The following GLIS3 variants were observed in gnomAD, a reference collection of about 807,000 sequenced individuals.
The protein encoded by GLIS3 is GLIS family zinc finger 3.
GLIS3 carries 53 observed loss-of-function variants against 78.6 expected under a neutral mutation model. The ratio of observed to expected loss-of-function variants is 0.67; its 90% confidence interval spans 0.54 to 0.85. GLIS3 has a LOEUF of 0.85. Among genes scored for constraint, GLIS3 ranks in the 40% least tolerant of loss-of-function variants. The pLI is 0.00. For synonymous variants in GLIS3, 684 were observed against 509.9 expected, an observed-to-expected ratio of 1.34 and a Z score of -4.60; for missense variants, 1,703 against 1,231.1, an observed-to-expected ratio of 1.38 and a Z score of -5.74.
chr9:4,361,719 C>G, the GLIS3 span, among the ~76,000 whole-genome samples: 2 of 152,150 alleles, frequency 1.3e-5, no homozygotes, highest in Non-Finnish European at 2.9e-5. Flanking sequence ...AGGGAAGAGT[C>G]GGCATTAAAA....
At chr9:4,130,736 C>G (rs1192429448) in intron 2 of GLIS3, among the ~76,000 whole-genome samples, 1 of 152,180 alleles carries the variant, frequency 6.6e-6, no homozygotes, top group South Asian at 2.1e-4. Context: ...AGAACCACTT[C>G]TAGGGAGGCG....
chr9:4,260,123 G>C (rs1044498440), intron 2 of GLIS3, among the ~76,000 whole-genome samples: 1 of 152,196 alleles, frequency 6.6e-6, no homozygotes, highest in Admixed American at 6.5e-5. Flanking sequence ...AGCTGACCAG[G>C]TGTCTGATTA....
At chr9:4,056,810 T>C (rs916182046) in intron 4 of GLIS3, among the ~76,000 whole-genome samples, 1 of 149,236 alleles carries the variant, frequency 6.7e-6, no homozygotes, top group Non-Finnish European at 1.5e-5. Context: ...TATTAATGGA[T>C]AGGGAAAAGA....
At chr9:3,851,045 G>A (rs1324002735) in intron 9 of GLIS3, among the ~76,000 whole-genome samples, 1 of 152,156 alleles carries the variant, frequency 6.6e-6, no homozygotes, top group Non-Finnish European at 1.5e-5. Context: ...GCACATAGTG[G>A]GTAACCAGTG....
intron 1 of GLIS3, among the ~76,000 whole-genome samples, chr9:4,298,052 G>C (rs892691169): frequency 6.6e-6 from 1 of 152,194 alleles, no homozygotes; most frequent in Admixed American, 6.5e-5. Flanking sequence ...GCGAGCGAGC[G>C]AGGGAGCGAA....
chr9:3,969,747 A>C (rs987092530), intron 4 of GLIS3, among the ~76,000 whole-genome samples: 1 of 152,200 alleles, frequency 6.6e-6, no homozygotes, highest in Non-Finnish European at 1.5e-5. Flanking sequence ...TCTGAGTTCC[A>C]TGACCAAGCT....
intron 2 of GLIS3, among the ~76,000 whole-genome samples, chr9:4,141,692 T>C (rs1833829944): frequency 6.6e-6 from 1 of 152,216 alleles, no homozygotes; most frequent in Non-Finnish European, 1.5e-5. Context: ...GAATAAGTCA[T>C]ACTACAGATT....
chr9:4,114,739 G>C (rs772975893), intron 4 of GLIS3, among the ~76,000 whole-genome samples: 9 of 152,038 alleles, frequency 5.9e-5, no homozygotes, highest in Non-Finnish European at 1.2e-4. Flanking sequence ...TTGCCACTGG[G>C]TGGGAATGTC....
At chr9:4,200,139 T>C (rs1819235061) in intron 2 of GLIS3, among the ~76,000 whole-genome samples, 1 of 152,112 alleles carries the variant, frequency 6.6e-6, no homozygotes, top group South Asian at 2.1e-4. Context: ...CCAAAATCTC[T>C]GGGATGCAGA....
intron 4 of GLIS3, chr9:4,305,286 T>C (rs565221566): frequency 6.6e-6 from 1 of 152,336 alleles, no homozygotes; most frequent in South Asian, 2.1e-4. Context: ...AGAGTGGACT[T>C]TGGAATCAGA....
At chr9:3,987,396 G>A (rs545841874) in intron 4 of GLIS3, among the ~76,000 whole-genome samples, 6 of 152,062 alleles carry the variant, frequency 3.9e-5, no homozygotes, top group East Asian at 1.9e-4. Context: ...GAGTAGAACC[G>A]AAAGAGTATA....
intron 2 of GLIS3, chr9:4,147,455 C>T (rs181361987): frequency 2.6e-5 from 4 of 152,192 alleles, no homozygotes; most frequent in Admixed American, 2.0e-4. Flanking sequence ...GCTTGTGTAC[C>T]TGTGTGGGTA....
intron 8 of GLIS3, among the ~76,000 whole-genome samples, chr9:3,879,141 A>G (rs1030297996): frequency 6.6e-6 from 1 of 152,176 alleles, no homozygotes; most frequent in Admixed American, 6.5e-5. Context: ...TCTCTGAAAC[A>G]GACCGATGAA....
rs150200772 is a variant in GLIS3 at position 3,856,474 on chromosome 9, A to T, written c.2298-290T>A. Among the ~76,000 whole-genome samples the T allele has an allele frequency of 2.0e-4, 30 of 152,320 alleles. No homozygotes were observed. In the East Asian group the frequency reaches 3.7e-3, roughly 19 times the overall value. ...TTCTAAGCTGCATTTCAAATACACT[A>T]TGTTTGGTGAAATTCAAAGTACATC... On this transcript the variant is annotated intron_variant, in intron 8 of 10. Transcript: ENST00000381971.
chr9:3,876,701 AG>A (rs1192077395), intron 8 of GLIS3, among the ~76,000 whole-genome samples: 1 of 18,842 alleles, frequency 5.3e-5, no homozygotes, highest in African/African-American at 1.6e-4. Context: ...GAGGGGAGGG[AG>A]GGGAAGGAAA....
intron 2 of GLIS3, among the ~76,000 whole-genome samples, chr9:4,224,723 T>G (rs577031646): frequency 6.8e-6 from 1 of 146,266 alleles, no homozygotes; most frequent in African/African-American, 2.6e-5. Flanking sequence ...CTTTTTCTGT[T>G]TTTTTTTTTT....
chr9:4,272,414 A>T (rs953954252), intron 2 of GLIS3, among the ~76,000 whole-genome samples: 2 of 152,028 alleles, frequency 1.3e-5, no homozygotes, highest in African/African-American at 4.8e-5. Context: ...ACAAAACAAC[A>T]TCCTATGGAA....
chr9:4,146,561 T>G (rs7021850), intron 2 of GLIS3, among the ~76,000 whole-genome samples: 1 of 152,256 alleles, frequency 6.6e-6, no homozygotes, highest in South Asian at 2.1e-4. Context: ...CCCAAGTATG[T>G]GCTCACAAAT....
At chr9:3,974,883 T>C (rs927305877) in intron 4 of GLIS3, among the ~76,000 whole-genome samples, 3 of 151,882 alleles carry the variant, frequency 2.0e-5, no homozygotes, top group Non-Finnish European at 4.4e-5. Context: ...AAGGTGAATA[T>C]TCAGGAATCA....
Sources: gnomAD v4.1 joint callset for allele counts (sites outside exome capture counted in the v4.1 genomes callset) on GRCh38, gnomAD v4.1.1 for gene constraint, MANE v1.5 for transcripts, NCBI Gene and HGNC (gene_info 2026-07-23, HGNC 2026-07-21) for gene names.